NFASC: variants seen among roughly 807,000 people sequenced by gnomAD.
The protein encoded by NFASC is neurofascin.
NFASC carries 43 observed loss-of-function variants against 147.5 expected under a neutral mutation model. That is an observed-to-expected ratio of 0.29 (90% CI 0.23 to 0.38). NFASC has a LOEUF of 0.38. Ranked by LOEUF, NFASC falls within the 10% of genes least tolerant of loss-of-function variation. The probability of loss-of-function intolerance (pLI) is 1.00; values close to 1 mark genes in which losing one functional copy is unlikely to be tolerated. For missense variants in NFASC, 1,320 were observed against 1,689.0 expected (o/e 0.78, Z 3.83); for synonymous variants, 622 against 665.5 (o/e 0.93, Z 1.01).
At chr1:204,909,036 G>A (rs961676264) in intron 1 of NFASC, among the ~76,000 whole-genome samples, 1 of 152,156 alleles carries the variant, frequency 6.6e-6, no homozygotes, top group African/African-American at 2.4e-5. Context: ...GAATAAAGCT[G>A]TTATAAACAT....
chr1:204,940,192 C>T (rs1179155407), intron 2 of NFASC, among the ~76,000 whole-genome samples: 2 of 152,178 alleles, frequency 1.3e-5, no homozygotes, highest in African/African-American at 4.8e-5. Context: ...ATGGCTCACA[C>T]CTATAATCCC....
chr1:204,870,319 AGAGCCATTGTTCTGTGCGG>A (rs1482528573), intron 1 of NFASC, among the ~76,000 whole-genome samples: 2 of 152,206 alleles, frequency 1.3e-5, no homozygotes, highest in South Asian at 2.1e-4. Context: ...AAAGTTGCGG[AGAGCCATTGTTCTGTGCGG>A]GAGCCATTGT....
chr1:205,016,861 C>T lies in NFASC; in HGVS notation c.*322C>T, dbSNP rs2096366749. ...ACTGTCCGCCCTTGGCCTCGGCACA[C>T]GCTCACCTTTTCTGTTGGTTACGGG... On this transcript the variant is annotated 3_prime_UTR_variant, in exon 30 of 30. Transcript: ENST00000339876. The surrounding 1 kb of genome is among the most constrained non-coding windows in gnomAD (Gnocchi z 5.1). 9.2e-6 allele frequency: 4 copies of T among 434,194 alleles called. No homozygotes were observed. Among genetic ancestry groups the T allele is most frequent in the Non-Finnish European group, 1.7e-5 (4 of 230,516 alleles). The allele number at this position is 434,194 out of a possible 1,614,324, so 26.9% of individuals were successfully genotyped here.
intron 1 of NFASC, among the ~76,000 whole-genome samples, chr1:204,882,604 CT>C (rs772753781): frequency 2.0e-4 from 31 of 152,152 alleles, no homozygotes; most frequent in Admixed American, 1.0e-3. Context: ...GTCTCCCCCA[CT>C]GGAAGGTAGG....
intron 3 of NFASC, among the ~76,000 whole-genome samples, chr1:204,949,483 C>T (rs1388365486): frequency 1.3e-5 from 2 of 152,250 alleles, no homozygotes; most frequent in Admixed American, 6.5e-5. Context: ...GTAGTCTGCA[C>T]CTGCATGAAA....
At chr1:204,962,278 A>G in intron 8 of NFASC, 2 of 829,360 alleles carry the variant, frequency 2.4e-6, no homozygotes, top group South Asian at 1.6e-5. Flanking sequence ...CAGGGTGCCA[A>G]GGTGACACCT....
At chr1:204,908,264 G>A (rs899238135) in intron 1 of NFASC, among the ~76,000 whole-genome samples, 6 of 152,308 alleles carry the variant, frequency 3.9e-5, no homozygotes, top group African/African-American at 1.4e-4. Flanking sequence ...TTACAGGCAT[G>A]AGCTACCATG....
intron 2 of NFASC, among the ~76,000 whole-genome samples, chr1:204,927,145 T>C (rs1308932667): frequency 6.6e-6 from 1 of 152,120 alleles, no homozygotes; most frequent in East Asian, 1.9e-4. Context: ...GCCCATAGAC[T>C]TGAGCAGCCA....
At chr1:204,961,330 G>A (rs750635948) in intron 8 of NFASC, among the ~76,000 whole-genome samples, 1 of 152,180 alleles carries the variant, frequency 6.6e-6, no homozygotes, top group Non-Finnish European at 1.5e-5. Flanking sequence ...CCTCCAGAAC[G>A]TTCAGGAGGA....
intron 1 of NFASC, among the ~76,000 whole-genome samples, chr1:204,857,917 TTC>T (rs1207584766): frequency 5.4e-5 from 6 of 111,596 alleles, no homozygotes; most frequent in East Asian, 5.5e-4. Context: ...CTTCTTCTTC[TTC>T]TTTTTTTTTT....
chr1:204,874,216 A>G (rs1440037294), intron 1 of NFASC, among the ~76,000 whole-genome samples: 1 of 152,142 alleles, frequency 6.6e-6, no homozygotes, highest in Non-Finnish European at 1.5e-5. Context: ...AGGTGTCCTC[A>G]CTGTGTCTCC....
chr1:204,888,173 T>C (rs2081683193), intron 1 of NFASC, among the ~76,000 whole-genome samples: 1 of 152,214 alleles, frequency 6.6e-6, no homozygotes, highest in African/African-American at 2.4e-5. Flanking sequence ...CCTCTTTGCC[T>C]TTGGGCAGTT....
At position 204,991,325 on chromosome 1, in the gene NFASC, A is replaced by T. The variant is rs1452895366; in HGVS notation, c.2782+19A>T. 6 of 1,611,406 alleles carry T rather than the reference A, an allele frequency of 3.7e-6. No homozygotes were observed. The highest frequency in any genetic ancestry group is 5.1e-6 in the Non-Finnish European group (6 of 1,178,696). The stretch of plus-strand genomic sequence containing the variant: ...ACCGCAGGTACCGTACCAGCCGCGG[A>T]GGTAATGGGCATGGCATGGGGCAGC... On this transcript the variant is annotated intron_variant, in intron 24 of 29. Coordinates refer to ENST00000339876, the MANE Select transcript of NFASC (RefSeq NM_001005388.3).
chr1:204,904,286 CG>C (rs1177953266), intron 1 of NFASC, among the ~76,000 whole-genome samples: 8 of 152,048 alleles, frequency 5.3e-5, no homozygotes, highest in Admixed American at 2.0e-4. Context: ...TTAGTAGAAA[CG>C]GGGTTTTGCC....
intron 1 of NFASC, among the ~76,000 whole-genome samples, chr1:204,832,561 T>C (rs997485504): frequency 3.3e-5 from 5 of 152,108 alleles, no homozygotes; most frequent in African/African-American, 1.2e-4. Context: ...CCCGCAAATA[T>C]CCATAGCCGA....
Position 204,987,376 on chromosome 1 carries a change from C to A in NFASC, c.2471-42C>A, listed in dbSNP as rs1242916866. The A allele has an allele frequency of 1.3e-6, 2 of 1,582,446 alleles. No individual in the cohort carries two copies. Among genetic ancestry groups the A allele is most frequent in the Admixed American group, 1.7e-5 (1 of 57,686 alleles). ...TTTGTGTTTTCCTCATCCTCCCTGC[C>A]CCCTCCCCCTCATCTCCCCTGCTCT... is the stretch of plus-strand genomic sequence containing the variant. On this transcript the variant is annotated intron_variant, in intron 21 of 29. Transcript: ENST00000339876. The surrounding 1 kb of genome is among the most constrained non-coding windows in gnomAD (Gnocchi z 4.4).
Position 204,987,450 on chromosome 1 carries a change from C to A in NFASC, c.2503C>A (p.Gln835Lys). Residue 835 changes from glutamine to lysine, a missense_variant, in exon 22 of 30, where the codon CAG (glutamine) becomes AAG (lysine). Transcript: ENST00000339876. The surrounding 1 kb of genome is among the most constrained non-coding windows in gnomAD (Gnocchi z 4.4). ...PSAPRRFRVR[Q>K]PNLETINLEW... ...TGCCCCTAGGCGTTTCCGAGTCCGG[C>A]AGCCCAACCTGGAGACAATCAACCT... The A allele has an allele frequency of 6.2e-7, 1 of 1,614,076 alleles. No homozygotes were observed. Among genetic ancestry groups the A allele is most frequent in the Admixed American group, 1.7e-5 (1 of 60,022 alleles).
At chr1:204,901,617 A>G (rs970181873) in intron 1 of NFASC, among the ~76,000 whole-genome samples, 1 of 152,220 alleles carries the variant, frequency 6.6e-6, no homozygotes, top group Admixed American at 6.5e-5. Flanking sequence ...AAGAGAAATT[A>G]TAAGCCATAA....
At chr1:204,870,119 A>C (rs755652878) in intron 1 of NFASC, among the ~76,000 whole-genome samples, 2 of 152,160 alleles carry the variant, frequency 1.3e-5, no homozygotes, top group African/African-American at 2.4e-5. Context: ...TGTCCATCTC[A>C]GAGGAAGCAG....
Sources: gnomAD v4.1 joint callset for allele counts (sites outside exome capture counted in the v4.1 genomes callset) on GRCh38, gnomAD v4.1.1 for gene constraint, Gnocchi (gnomAD v3.1) non-coding constraint, MANE v1.5 for transcripts, NCBI Gene and HGNC (gene_info 2026-07-23, HGNC 2026-07-21) for gene names.